Variants in DCC observed in about 807,000 individuals in gnomAD.
DCC encodes the protein netrin receptor DCC.
DCC carries 58 observed loss-of-function variants against 172.5 expected under a neutral mutation model. The observed-to-expected ratio is 0.34, with a 90% CI of 0.27 to 0.42. DCC has a LOEUF of 0.42. Among genes scored for constraint, DCC ranks in the 10% least tolerant of loss-of-function variants. The pLI, the probability that DCC is intolerant of heterozygous loss-of-function variation, is 1.00. For synonymous variants in DCC, 709 were observed against 644.5 expected (o/e 1.10, Z -1.52); for missense variants, 1,740 against 1,791.0 (o/e 0.97, Z 0.51).
chr18:53,254,121 T>G (rs560633748), intron 12 of DCC, among the ~76,000 whole-genome samples: 1 of 152,206 alleles, frequency 6.6e-6, no homozygotes, highest in African/African-American at 2.4e-5. Context: ...AATGATTATT[T>G]AATGTGTGTG....
intron 2 of DCC, among the ~76,000 whole-genome samples, chr18:52,873,763 T>G (rs1271747526): frequency 1.3e-5 from 2 of 152,116 alleles, no homozygotes; most frequent in African/African-American, 2.4e-5. Context: ...ACTTGCCAGA[T>G]GGATGATATT....
intron 2 of DCC, among the ~76,000 whole-genome samples, chr18:52,897,778 A>G (rs919728497): frequency 6.6e-6 from 1 of 152,214 alleles, no homozygotes; most frequent in Non-Finnish European, 1.5e-5. Flanking sequence ...AATGTCCACC[A>G]TAGAGCAATT....
chr18:52,375,623 T>A (rs1985315483), intron 1 of DCC, among the ~76,000 whole-genome samples: 1 of 152,176 alleles, frequency 6.6e-6, no homozygotes, highest in Non-Finnish European at 1.5e-5. Flanking sequence ...CTTTTCCTGA[T>A]TTGGGATGTA....
At chr18:52,675,862 T>G (rs1376669210) in intron 1 of DCC, among the ~76,000 whole-genome samples, 3 of 152,228 alleles carry the variant, frequency 2.0e-5, no homozygotes, top group African/African-American at 7.2e-5. Flanking sequence ...TTTTAACATA[T>G]TGAATAAGTA....
At chr18:53,080,163 T>C (rs1188873755) in intron 7 of DCC, among the ~76,000 whole-genome samples, 1 of 151,944 alleles carries the variant, frequency 6.6e-6, no homozygotes, top group African/African-American at 2.4e-5. Flanking sequence ...GAAGAGTGAG[T>C]TAATGTATTA....
chr18:52,906,378 T>C, intron 3 of DCC, 50 bp downstream of exon 3: 1 of 1,590,426 alleles, frequency 6.3e-7, no homozygotes, highest in African/African-American at 1.3e-5. Flanking sequence ...CTGGAATAAG[T>C]TGAAAAACAA....
chr18:52,381,340 T>G (rs1374038512), intron 1 of DCC, among the ~76,000 whole-genome samples: 1 of 152,132 alleles, frequency 6.6e-6, no homozygotes, highest in Admixed American at 6.5e-5. Flanking sequence ...TTTTTTAGCA[T>G]CTAAGGGTGG....
intron 12 of DCC, among the ~76,000 whole-genome samples, chr18:53,251,663 G>A (rs2056436459): frequency 6.6e-6 from 1 of 151,774 alleles, no homozygotes; most frequent in African/African-American, 2.4e-5. Flanking sequence ...CTATCAAATT[G>A]CGTGTGTGAG....
chr18:53,191,681 T>C (rs2055368408), intron 9 of DCC, among the ~76,000 whole-genome samples: 1 of 152,242 alleles, frequency 6.6e-6, no homozygotes, highest in Admixed American at 6.5e-5. Context: ...AGTGGTTAAA[T>C]TTAACTCTTC....
At chr18:52,799,237 T>C (rs1345299659) in intron 2 of DCC, among the ~76,000 whole-genome samples, 2 of 152,164 alleles carry the variant, frequency 1.3e-5, no homozygotes, top group East Asian at 1.9e-4. Flanking sequence ...AACATTCTTA[T>C]GATCCATGAA....
At chr18:52,788,918 C>T (rs927166565) in intron 2 of DCC, among the ~76,000 whole-genome samples, 1 of 152,034 alleles carries the variant, frequency 6.6e-6, no homozygotes, top group East Asian at 1.9e-4. Flanking sequence ...GCAAGGCAAC[C>T]CAAATCCATT....
At chr18:53,048,492 TGTGTGTGTG>T (rs1219623293) in intron 5 of DCC, among the ~76,000 whole-genome samples, 2 of 52,484 alleles carry the variant, frequency 3.8e-5, no homozygotes, top group African/African-American at 4.1e-4. Flanking sequence ...CCATGGTTTG[TGTGTGTGTG>T]TGTGTGTGTG....
At chr18:53,494,781 G>T (rs2045999923) in intron 26 of DCC, among the ~76,000 whole-genome samples, 2 of 151,520 alleles carry the variant, frequency 1.3e-5, no homozygotes, top group Non-Finnish European at 3.0e-5. Flanking sequence ...CACTCTAATT[G>T]GAGAATTTAG....
intron 25 of DCC, chr18:53,481,120 G>A (rs2045826943): frequency 6.6e-6 from 1 of 152,154 alleles, no homozygotes; most frequent in Non-Finnish European, 1.5e-5. Flanking sequence ...GAGTGAGCAT[G>A]TACAATCTTT....
chr18:53,504,720 A>ATATT (rs1277790732), intron 27 of DCC, among the ~76,000 whole-genome samples: 1 of 152,204 alleles, frequency 6.6e-6, no homozygotes, highest in African/African-American at 2.4e-5. Context: ...TAGAAAATAA[A>ATATT]TATTAATAGG....
chr18:53,069,906 T>A (rs892634979), intron 7 of DCC, among the ~76,000 whole-genome samples: 1 of 151,880 alleles, frequency 6.6e-6, no homozygotes, highest in Admixed American at 6.6e-5. Flanking sequence ...TTGAGGTGTT[T>A]GTGTGTTGTG....
intron 11 of DCC, among the ~76,000 whole-genome samples, chr18:53,208,505 GA>G (rs138583020): frequency 0.33 from 49,681 of 148,390 alleles, 8,968 homozygotes; most frequent in Non-Finnish European, 0.43. Flanking sequence ...AGGTGTAAAT[GA>G]TAGACAATCC....
At chr18:53,162,832 C>T (rs1048552583) in intron 8 of DCC, among the ~76,000 whole-genome samples, 1 of 152,138 alleles carries the variant, frequency 6.6e-6, no homozygotes, top group African/African-American at 2.4e-5. Context: ...TCCCTAATCC[C>T]CTTTCTCCTC....
rs530566709 is a variant in DCC, at chr18:52,389,464, T to C, written c.91+48586T>C. On this transcript the variant is annotated intron_variant, in intron 1 of 28. Transcript: ENST00000442544. ...TGTTAATAACGCAGTAGGTGGAGGC[T>C]ATGGAGGTTGCTAAACATTTTACAG... is the stretch of plus-strand genomic sequence containing the variant. 1.2e-4 allele frequency among the ~76,000 whole-genome samples: 18 copies of C among 152,238 alleles called. No homozygotes were observed. In the South Asian group the frequency reaches 2.1e-3, roughly 18 times the overall value.
Sources: allele counts gnomAD v4.1 joint callset (sites outside exome capture counted in the v4.1 genomes callset), GRCh38; gene constraint gnomAD v4.1.1; transcripts MANE v1.5; gene names NCBI Gene and HGNC (gene_info 2026-07-23, HGNC 2026-07-21).